OAS3: variants seen among roughly 807,000 people sequenced by gnomAD.
OAS3 encodes 2'-5'-oligoadenylate synthase 3.
A neutral mutation model predicts 113.0 loss-of-function variants in OAS3; 107 were observed. The ratio of observed to expected loss-of-function variants is 0.95; its 90% confidence interval spans 0.81 to 1.11. The LOEUF is 1.11. Among genes scored for constraint, OAS3 ranks in the 50% most tolerant of loss-of-function variants. OAS3 has a pLI of 0.00. For synonymous variants in OAS3, 552 were observed against 573.6 expected (o/e 0.96, Z 0.54); for missense variants, 1,258 against 1,389.1 (o/e 0.91, Z 1.50).
In OAS3 at chr12:112,969,455, G is replaced by T. The variant is rs73422036; in HGVS notation, c.3105-153G>T. On this transcript the variant is annotated intron_variant, in intron 14 of 15. Coordinates refer to ENST00000228928, the MANE Select transcript of OAS3 (RefSeq NM_006187.4). ...CATGTGTGTCTTATTTTCTATACCT[G>T]CCCTGTAGTGTATAGGAGCACTGAG... is the stretch of plus-strand genomic sequence containing the variant. 4,754 of 822,592 alleles carry T rather than the reference G, an allele frequency of 5.8e-3. 150 individuals are homozygous for T. In the African/African-American group the frequency reaches 0.071, roughly 12 times the overall value. 51.0% of individuals were successfully genotyped at this position (822,592 alleles called of 1,614,324 possible).
Position 112,968,032 on chromosome 12 carries a change from C to T in OAS3, c.2962C>T (p.Gln988Ter). The T allele has an allele frequency of 6.2e-7, 1 of 1,614,040 alleles. No homozygotes were observed. Among genetic ancestry groups the T allele is most frequent in the Non-Finnish European group, 8.5e-7 (1 of 1,179,900 alleles). Residue 988 changes from glutamine (Q) to a stop codon, truncating the protein, a stop_gained, in exon 14 of 16, where the codon CAG becomes TAG. Transcript: ENST00000228928. LOFTEE classifies it high-confidence loss of function. ...YAWEQGGKDS[Q>*]FNMAEGFRTV... is the part of the protein sequence containing the mutation. Reference sequence around the variant, plus strand: ...CTGGGAGCAGGGCGGGAAGGACTCCCAGTTCAACATGGCTGAGGGCTTCCG... The same window carrying T: ...CTGGGAGCAGGGCGGGAAGGACTCCTAGTTCAACATGGCTGAGGGCTTCCG...
Position 112,967,952 on chromosome 12 carries a change from A to G in OAS3, c.2882A>G (p.Lys961Arg). 6.2e-7 allele frequency: 1 copy of G among 1,613,666 alleles called. No homozygotes were observed. Among genetic ancestry groups the G allele is most frequent in the Non-Finnish European group, 8.5e-7 (1 of 1,179,688 alleles). ...GTTCTCCAGTGTACCAAGATCTCCA[A>G]GGGGAGAGGCTCCCTACCCCCACAG... The part of the protein sequence containing the change: ...HWYQQCTKIS[K>R]GRGSLPPQHG... The change falls in exon 14 of 16, where the codon AAG becomes AGG. Residue 961 changes from lysine to arginine, a missense_variant. By Grantham distance (26) the Lys-to-Arg change is conservative (BLOSUM62 2). Transcript: ENST00000228928.
chr12:112,966,105 C>A, intron 12 of OAS3, 76 bp downstream of exon 12: 1 of 1,452,460 alleles, frequency 6.9e-7, no homozygotes, highest in Non-Finnish European at 9.5e-7. Context: ...AGAGGTTGCA[C>A]AGTACACAAC....
chr12:112,955,037 A>T (rs1470996461), intron 7 of OAS3, among the ~76,000 whole-genome samples: 2 of 152,202 alleles, frequency 1.3e-5, no homozygotes, highest in African/African-American at 4.8e-5. Flanking sequence ...AGTCCTTCAC[A>T]TCCATTGTAA....
intron 1 of OAS3, among the ~76,000 whole-genome samples, chr12:112,939,880 A>G (rs536273935): frequency 6.6e-6 from 1 of 152,260 alleles, no homozygotes; most frequent in South Asian, 2.1e-4. Context: ...GCCTCAGAGC[A>G]CCTAGTGGTT....
chr12:112,938,899 C>G (rs1026279333), intron 1 of OAS3, among the ~76,000 whole-genome samples, 192 bp downstream of exon 1: 28 of 152,306 alleles, frequency 1.8e-4, no homozygotes, highest in African/African-American at 3.1e-4. Flanking sequence ...TACTCTTAAG[C>G]CCGCTTGACA....
Position 112,946,735 on chromosome 12 carries a change from T to A in OAS3, c.637-8T>A, listed in dbSNP as rs1555225526. 6.2e-7 allele frequency: 1 copy of A among 1,601,226 alleles called. No individual in the cohort carries two copies. The highest frequency in any genetic ancestry group is 8.5e-7 in the Non-Finnish European group (1 of 1,173,580). ...CCTTCTGAGTCCCCTGCCGATGCCC[T>A]CTCACAGGTGTGCCTACAGGGGTTG... On this transcript the variant is annotated splice_polypyrimidine_tract_variant and splice_region_variant and intron_variant, in intron 3 of 15. Coordinates refer to ENST00000228928, the MANE Select transcript of OAS3 (RefSeq NM_006187.4).
At position 112,967,969 on chromosome 12, in the gene OAS3, C is replaced by G; in HGVS notation, c.2899C>G (p.Pro967Ala). 2 of 1,613,932 alleles carry G rather than the reference C, an allele frequency of 1.2e-6. No homozygotes were observed. The highest frequency in any genetic ancestry group is 1.7e-6 in the Non-Finnish European group (2 of 1,179,848). ...GATCTCCAAGGGGAGAGGCTCCCTA[C>G]CCCCACAGCACGGGCTGGAACTCCT... is the stretch of plus-strand genomic sequence containing the variant. The part of the protein sequence containing the change: ...TKISKGRGSL[P>A]PQHGLELLTV... The change falls in exon 14 of 16, where the codon CCC becomes GCC. Residue 967 changes from proline (P) to alanine (A), a missense_variant. By Grantham distance (27) the Pro-to-Ala change is conservative. Coordinates refer to ENST00000228928, the MANE Select transcript of OAS3 (RefSeq NM_006187.4).
At chr12:112,959,501 T>C (rs920460751) in intron 7 of OAS3, among the ~76,000 whole-genome samples, 3 of 152,192 alleles carry the variant, frequency 2.0e-5, no homozygotes, top group Non-Finnish European at 4.4e-5. Context: ...GGATTTCTTT[T>C]TAATTTGTCC....
intron 6 of OAS3, among the ~76,000 whole-genome samples, chr12:112,949,559 A>G (rs1377803428): frequency 6.6e-6 from 1 of 152,076 alleles, no homozygotes; most frequent in African/African-American, 2.4e-5. Context: ...TACCAGGTCC[A>G]CAGAACAATT....
rs2043992067 is a variant in OAS3, at chr12:112,972,374, T to A, written c.*2401T>A. 6.6e-6 allele frequency: 1 copy of A among 152,172 alleles called. No homozygotes were observed. The highest frequency in any genetic ancestry group is 1.5e-5 in the Non-Finnish European group (1 of 68,026). The allele number at this position is 152,172 out of a possible 1,614,324, so 9.4% of individuals were successfully genotyped here. A position where few individuals can be genotyped will look rare whatever the true frequency, so the allele number is the denominator to read the frequency against. On this transcript the variant is annotated 3_prime_UTR_variant, in exon 16 of 16. Transcript: ENST00000228928. ...GTTGGCATATTGGCCCCACTGTAAC[T>A]TTTGGGGGCTTCCCGGTCTAGCCAC...
At chr12:112,967,022 A>G (rs894180690) in intron 12 of OAS3, among the ~76,000 whole-genome samples, 6 of 152,236 alleles carry the variant, frequency 3.9e-5, no homozygotes, top group Non-Finnish European at 5.9e-5. Flanking sequence ...TTTAAGTGCA[A>G]TGTAACCAGA....
At chr12:112,941,383 T>TAA (rs1233657278) in intron 1 of OAS3, among the ~76,000 whole-genome samples, 187 bp from the exon 2 acceptor site, 6 of 152,246 alleles carry the variant, frequency 3.9e-5, no homozygotes, top group Middle Eastern at 3.4e-3. Context: ...GTTTACATGT[T>TAA]AAAATTGCTT....
At position 112,972,250 on chromosome 12, in the gene OAS3, G is replaced by A. The variant is rs2043991185; in HGVS notation, c.*2277G>A. ...GCAACTCAGGTGCATGATACAAGGA[G>A]AGGTTGTCATCTGGGTAGGGCAGAG... On this transcript the variant is annotated 3_prime_UTR_variant, in exon 16 of 16. Transcript: ENST00000228928. The A allele has an allele frequency of 6.6e-6, 1 of 152,304 alleles. No individual in the cohort carries two copies. The highest frequency in any genetic ancestry group is 1.5e-5 in the Non-Finnish European group (1 of 68,100). The allele number at this position is 152,304 out of a possible 1,614,324, so 9.4% of individuals were successfully genotyped here. A position where few individuals can be genotyped will look rare whatever the true frequency, so the allele number is the denominator to read the frequency against.
intron 7 of OAS3, 96 bp from the exon 8 acceptor site, chr12:112,960,975 G>A (rs1211998311): frequency 8.7e-7 from 1 of 1,152,640 alleles, no homozygotes; most frequent in Non-Finnish European, 1.3e-6. Flanking sequence ...GGTGATTAAT[G>A]TTAGAATATT....
chr12:112,951,974 T>C (rs544693769), intron 7 of OAS3, among the ~76,000 whole-genome samples: 2 of 152,280 alleles, frequency 1.3e-5, no homozygotes, highest in South Asian at 4.1e-4. Context: ...ATTGCACCAC[T>C]GCACTCCAGC....
At chr12:112,951,288 T>C (rs2043788881) in intron 7 of OAS3, among the ~76,000 whole-genome samples, 1 of 152,186 alleles carries the variant, frequency 6.6e-6, no homozygotes, top group East Asian at 1.9e-4. Context: ...TAAAGAAATT[T>C]CTCATGTTAT....
rs187817749 is a variant in OAS3, at chr12:112,963,996, C to T, written c.2230-239C>T. On this transcript the variant is annotated intron_variant, in intron 10 of 15. Transcript: ENST00000228928. This position sits in a 1 kb window ranked among gnomAD's most constrained non-coding sequence, Gnocchi z 4.6. The stretch of plus-strand genomic sequence containing the variant: ...ATACTCAGGACAATCCATTGAGACC[C>T]GGACTTCATTATTGCACTCATTTAA... 2.2e-4 allele frequency among the ~76,000 whole-genome samples: 34 copies of T among 152,328 alleles called. No homozygotes were observed. Among genetic ancestry groups the T allele is most frequent in the Admixed American group, 3.9e-4 (6 of 15,304 alleles).
Position 112,941,800 on chromosome 12 carries a change from A to G in OAS3, c.408A>G (p.Val136=). 1 of 1,614,010 alleles carries G rather than the reference A, an allele frequency of 6.2e-7. No individual in the cohort carries two copies. Among genetic ancestry groups the G allele is most frequent in the South Asian group, 1.1e-5 (1 of 91,084 alleles). The change falls in exon 2 of 16, where the codon GTA becomes GTG. Residue 136 remains valine (V), a synonymous_variant. Coordinates refer to ENST00000228928, the MANE Select transcript of OAS3 (RefSeq NM_006187.4). ...PGALQFRLTS[V]DLEDWMDVSL... ...CCCTGCAGTTCCGCCTGACATCCGTAGATCTTGAGGACTGGATGGATGTTA... is the reference window on the plus strand; with the variant it reads ...CCCTGCAGTTCCGCCTGACATCCGTGGATCTTGAGGACTGGATGGATGTTA...
Sources: gnomAD v4.1 joint callset for allele counts (sites outside exome capture counted in the v4.1 genomes callset) on GRCh38, gnomAD v4.1.1 for gene constraint, Gnocchi (gnomAD v3.1) non-coding constraint, MANE v1.5 for transcripts, NCBI Gene and HGNC (gene_info 2026-07-23, HGNC 2026-07-21) for gene names.